RPN2: variants seen among roughly 807,000 people sequenced by gnomAD.
RPN2 encodes the protein dolichyl-diphosphooligosaccharide--protein glycosyltransferase subunit 2.
In RPN2, 29 loss-of-function variants were observed where a neutral mutation model predicts 71.4. The ratio of observed to expected loss-of-function variants is 0.41; its 90% CI spans 0.30 to 0.55. The LOEUF is 0.55. Ranked by LOEUF, RPN2 falls within the 20% of genes least tolerant of loss-of-function variation. The pLI is 0.35. For missense variants in RPN2, 726 were observed against 774.1 expected (o/e 0.94, Z 0.74); for synonymous variants, 308 against 305.0 (o/e 1.01, Z -0.10).
intron 1 of RPN2, among the ~76,000 whole-genome samples, chr20:37,180,874 T>C (rs995974607): frequency 6.6e-6 from 1 of 152,340 alleles, no homozygotes; most frequent in African/African-American, 2.4e-5. Flanking sequence ...CACAGTATTG[T>C]TTATTCTCAA....
At chr20:37,210,438 A>G (rs1017293606) in intron 8 of RPN2, among the ~76,000 whole-genome samples, 1 of 152,160 alleles carries the variant, frequency 6.6e-6, no homozygotes, top group Non-Finnish European at 1.5e-5. Context: ...GATAAATAAT[A>G]ATGTTTATTA....
chr20:37,184,356 C>G lies in RPN2; in HGVS notation c.190C>G (p.Gln64Glu). The G allele has an allele frequency of 6.2e-7, 1 of 1,614,140 alleles. No individual in the cohort carries two copies. The highest frequency in any genetic ancestry group is 1.1e-5 in the South Asian group (1 of 91,070). The part of the protein sequence containing the change: ...SIVGLSSLGA[Q>E]VPDAKKACTY... ...CGTGGGACTCAGCAGCCTTGGTGCT[C>G]AGGTGCCAGATGCAAAGGTAAGGCT... is the stretch of plus-strand genomic sequence containing the variant. Residue 64 changes from glutamine (Q) to glutamate (E), a missense_variant, in exon 2 of 17, where the codon CAG becomes GAG. Transcript: ENST00000237530.
intron 7 of RPN2, among the ~76,000 whole-genome samples, chr20:37,207,983 C>T (rs1240551631): frequency 6.6e-6 from 1 of 152,062 alleles, no homozygotes; most frequent in East Asian, 1.9e-4. Flanking sequence ...TTAAATAGTA[C>T]AGGCTTGGCT....
intron 2 of RPN2, among the ~76,000 whole-genome samples, chr20:37,185,316 C>T (rs766218597): frequency 2.0e-5 from 3 of 151,630 alleles, no homozygotes; most frequent in Admixed American, 1.3e-4. Context: ...TGTATTTTTT[C>T]GTTAGAGATG....
intron 2 of RPN2, among the ~76,000 whole-genome samples, chr20:37,194,042 A>G (rs1185473635): frequency 6.6e-6 from 1 of 152,144 alleles, no homozygotes; most frequent in East Asian, 1.9e-4. Flanking sequence ...ACGGGCGCGC[A>G]TGTTTCCCAG....
chr20:37,198,403 T>A lies in RPN2; in HGVS notation c.214T>A (p.Cys72Ser). 6.2e-7 allele frequency: 1 copy of A among 1,614,236 alleles called. No homozygotes were observed. Among genetic ancestry groups the A allele is most frequent in the South Asian group, 1.1e-5 (1 of 91,088 alleles). Reference protein sequence around the residue: ...GAQVPDAKKACTYIRSNLDPS... With the variant: ...GAQVPDAKKASTYIRSNLDPS... ...ACTTTTCCCCACTGTGTAGAAAGCA[T>A]GTACCTACATCAGATCTAACCTTGA... Residue 72 changes from cysteine to serine, a missense_variant, in exon 3 of 17, where the codon TGT (cysteine) becomes AGT (serine). By Grantham distance (112) the Cys-to-Ser change is moderately radical. Transcript: ENST00000237530.
At chr20:37,188,533 A>T (rs2067066497) in intron 2 of RPN2, among the ~76,000 whole-genome samples, 2 of 151,798 alleles carry the variant, frequency 1.3e-5, no homozygotes, top group Admixed American at 1.3e-4. Flanking sequence ...CATATATTTC[A>T]TACAGTTTTA....
At chr20:37,182,763 A>G (rs1404186754) in intron 1 of RPN2, among the ~76,000 whole-genome samples, 2 of 152,122 alleles carry the variant, frequency 1.3e-5, no homozygotes, top group Admixed American at 1.3e-4. Context: ...ATTTAGGGCC[A>G]CTCATGTTAG....
chr20:37,204,924 G>C, intron 6 of RPN2, 23 bp downstream of exon 6: 1 of 1,614,080 alleles, frequency 6.2e-7, no homozygotes, highest in Non-Finnish European at 8.5e-7. Context: ...CAATTTTCAG[G>C]CATGAAACCC....
chr20:37,182,897 C>T (rs952027163), intron 1 of RPN2, among the ~76,000 whole-genome samples: 4 of 152,114 alleles, frequency 2.6e-5, no homozygotes, highest in African/African-American at 9.7e-5. Context: ...ATGTACCACT[C>T]CTGCAGCTTC....
chr20:37,236,310 C>G (rs1172239664), intron 15 of RPN2, among the ~76,000 whole-genome samples: 5 of 152,054 alleles, frequency 3.3e-5, no homozygotes, highest in African/African-American at 1.2e-4. Flanking sequence ...CCAGGGTGGT[C>G]TCGAACTCCT....
rs2067541272 is a variant in RPN2, at chr20:37,207,405, C to T, written c.823C>T (p.Pro275Ser). 14 of 1,614,206 alleles carry T rather than the reference C, an allele frequency of 8.7e-6. No individual in the cohort carries two copies. The highest frequency in any genetic ancestry group is 1.2e-5 in the Non-Finnish European group (14 of 1,180,020). ...NRYHVPVVVV[P>S]EGSASDTHEQ... is the part of the protein sequence containing the mutation. The stretch of plus-strand genomic sequence containing the variant: ...CTACCACGTGCCAGTTGTGGTTGTG[C>T]CTGAGGGCTCTGCTTCCGACACTCA... Residue 275 changes from proline to serine, a missense_variant, in exon 7 of 17, where the codon CCT (proline) becomes TCT (serine). By Grantham distance (74) the Pro-to-Ser change is moderately conservative (BLOSUM62 -1). Transcript: ENST00000237530.
chr20:37,191,771 T>C (rs2067146819), intron 2 of RPN2, among the ~76,000 whole-genome samples: 2 of 152,052 alleles, frequency 1.3e-5, no homozygotes, highest in Admixed American at 6.6e-5. Flanking sequence ...ACAGATATCA[T>C]TATTTAGCTT....
intron 1 of RPN2, among the ~76,000 whole-genome samples, chr20:37,181,329 C>T (rs1004667251): frequency 1.3e-5 from 2 of 152,106 alleles, no homozygotes; most frequent in African/African-American, 4.8e-5. Context: ...ACTTCTTACC[C>T]TTTGCTTATT....
intron 9 of RPN2, among the ~76,000 whole-genome samples, chr20:37,220,648 C>T (rs1359541457): frequency 1.3e-5 from 2 of 152,098 alleles, no homozygotes; most frequent in African/African-American, 4.8e-5. Flanking sequence ...GAAATAAGTC[C>T]CTTTCCTATT....
intron 9 of RPN2, among the ~76,000 whole-genome samples, chr20:37,223,326 CAG>C (rs2068004223): frequency 6.6e-6 from 1 of 152,334 alleles, no homozygotes; most frequent in African/African-American, 2.4e-5. Context: ...GATTCTGAGT[CAG>C]AGTGCCTGAG....
chr20:37,184,126 T>G (rs1442398612), intron 1 of RPN2, 54 bp from the exon 2 acceptor site: 6 of 1,600,202 alleles, frequency 3.7e-6, no homozygotes, highest in Non-Finnish European at 5.1e-6. Context: ...ATTGGGACTG[T>G]GTATAGCACC....
At chr20:37,223,211 G>A (rs1343854774) in intron 9 of RPN2, among the ~76,000 whole-genome samples, 1 of 152,196 alleles carries the variant, frequency 6.6e-6, no homozygotes, top group Non-Finnish European at 1.5e-5. Flanking sequence ...CTCCATGGGG[G>A]CAGGGAAGTA....
chr20:37,238,505 G>A (rs553473616), intron 16 of RPN2: 22 of 1,231,140 alleles, frequency 1.8e-5, no homozygotes, highest in South Asian at 1.3e-4. Flanking sequence ...CGTCTTGCCC[G>A]CCTCATGCAT....
Sources: allele counts gnomAD v4.1 joint callset (sites outside exome capture counted in the v4.1 genomes callset), GRCh38; gene constraint gnomAD v4.1.1; transcripts MANE v1.5; gene names NCBI Gene and HGNC (gene_info 2026-07-23, HGNC 2026-07-21).